The following HMCN1 variants were observed in gnomAD, a reference collection of about 807,000 sequenced individuals.
The protein encoded by HMCN1 is hemicentin 1, also known as hemicentin-1.
In HMCN1, 321 loss-of-function variants were observed where a neutral mutation model predicts 625.9. That is an observed-to-expected ratio of 0.51 (90% CI 0.47 to 0.56). The LOEUF (loss-of-function observed/expected upper bound fraction) is 0.56. Among genes scored for constraint, HMCN1 ranks in the 20% least tolerant of loss-of-function variants. The pLI is 0.00. For missense variants in HMCN1, 6,588 were observed against 6,887.3 expected (o/e 0.96, Z 1.54); for synonymous variants, 2,425 against 2,417.6 (o/e 1.00, Z -0.09).
chr1:185,805,525 G>A (rs1659109935), intron 1 of HMCN1, among the ~76,000 whole-genome samples: 1 of 152,104 alleles, frequency 6.6e-6, no homozygotes, highest in Admixed American at 6.6e-5. Flanking sequence ...AATTATAGTT[G>A]AGTTTTTGTC....
chr1:185,893,379 G>A (rs770372110), intron 4 of HMCN1, among the ~76,000 whole-genome samples: 5 of 152,188 alleles, frequency 3.3e-5, no homozygotes, highest in Non-Finnish European at 7.3e-5. Context: ...ACAATCAGTG[G>A]CGTATTATAT....
intron 36 of HMCN1, among the ~76,000 whole-genome samples, chr1:186,026,686 T>A (rs1318770063): frequency 1.3e-5 from 2 of 152,120 alleles, no homozygotes; most frequent in East Asian, 3.9e-4. Flanking sequence ...CAAGTTGGAG[T>A]GCAGTGGTAC....
intron 1 of HMCN1, among the ~76,000 whole-genome samples, chr1:185,826,589 A>C (rs1487539130): frequency 6.6e-6 from 1 of 152,204 alleles, no homozygotes; most frequent in Non-Finnish European, 1.5e-5. Flanking sequence ...TCTCAGACCC[A>C]GTTGGTTCTG....
In HMCN1 at chr1:185,812,156, T is replaced by C. The variant is rs139889645; in HGVS notation, c.269-33870T>C. 5.1e-4 allele frequency among the ~76,000 whole-genome samples: 78 copies of C among 151,554 alleles called. 1 individual carries two copies. The East Asian group carries it at 0.014, about 28-fold the overall frequency. On this transcript the variant is annotated intron_variant, in intron 1 of 106. Transcript: ENST00000271588. ...AATAGTATGTTGTTGATTTTTTTTTTAGGGCAAGATATAAGTGATTATAAA... is the reference window on the plus strand; with the variant it reads ...AATAGTATGTTGTTGATTTTTTTTTCAGGGCAAGATATAAGTGATTATAAA...
At chr1:185,818,733 A>G (rs1027052010) in intron 1 of HMCN1, among the ~76,000 whole-genome samples, 1 of 152,198 alleles carries the variant, frequency 6.6e-6, no homozygotes, top group Non-Finnish European at 1.5e-5. Context: ...ACTTAGATGA[A>G]TAAATGAATG....
chr1:186,167,614 C>T (rs1049324578), intron 100 of HMCN1, among the ~76,000 whole-genome samples: 7 of 152,164 alleles, frequency 4.6e-5, no homozygotes, highest in African/African-American at 1.2e-4. Context: ...TTTCATTGCC[C>T]TCAACATTCT....
At chr1:186,178,005 AT>A (rs761504582) in intron 103 of HMCN1, among the ~76,000 whole-genome samples, 4 of 152,174 alleles carry the variant, frequency 2.6e-5, no homozygotes, top group Non-Finnish European at 4.4e-5. Flanking sequence ...TACTCTTAGA[AT>A]TACGTGTAAA....
intron 52 of HMCN1, among the ~76,000 whole-genome samples, 190 bp from the exon 53 acceptor site, chr1:186,074,551 A>C (rs1398816713): frequency 6.6e-6 from 1 of 152,158 alleles, no homozygotes; most frequent in African/African-American, 2.4e-5. Flanking sequence ...AATAAATAAA[A>C]ATTTGATTAG....
In HMCN1 at chr1:185,860,567, C is replaced by T. The variant is rs561150380; in HGVS notation, c.340-3903C>T. Among the ~76,000 whole-genome samples the T allele has an allele frequency of 6.6e-5, 10 of 152,214 alleles. No homozygotes were observed. In the East Asian group the frequency reaches 1.9e-3, roughly 29 times the overall value. The stretch of plus-strand genomic sequence containing the variant: ...TCAAAGGATCCTCCCACCTCAGCCC[C>T]CCAAGTAGCTGGGACAACAGGCATG... On this transcript the variant is annotated intron_variant, in intron 2 of 106. Transcript: ENST00000271588.
intron 97 of HMCN1, among the ~76,000 whole-genome samples, chr1:186,163,865 C>CA (rs1651690056): frequency 3.3e-5 from 5 of 152,112 alleles, no homozygotes; most frequent in Admixed American, 3.3e-4. Flanking sequence ...AAGTATCTCC[C>CA]AAAAAACTTC....
chr1:186,174,456 A>G (rs1652433322), intron 102 of HMCN1, 58 bp from the exon 103 acceptor site: 1 of 1,599,254 alleles, frequency 6.3e-7, no homozygotes, highest in Admixed American at 1.7e-5. Flanking sequence ...GACTTTAAAT[A>G]CAATGACTTT....
chr1:186,032,252 G>A (rs1156384030), intron 36 of HMCN1, among the ~76,000 whole-genome samples: 1 of 151,832 alleles, frequency 6.6e-6, no homozygotes, highest in African/African-American at 2.4e-5. Context: ...GTGGGCAAAG[G>A]ATGTGAATAG....
At chr1:185,787,539 C>T (rs1001617415) in intron 1 of HMCN1, among the ~76,000 whole-genome samples, 2 of 152,160 alleles carry the variant, frequency 1.3e-5, no homozygotes, top group African/African-American at 4.8e-5. Context: ...AAGGAAGTCA[C>T]CAGTGTGGGA....
intron 71 of HMCN1, among the ~76,000 whole-genome samples, chr1:186,112,007 C>T (rs1660911006): frequency 6.6e-6 from 1 of 152,118 alleles, no homozygotes; most frequent in African/African-American, 2.4e-5. Flanking sequence ...TTGATGCTAT[C>T]TGGAATTTTT....
Position 186,045,820 on chromosome 1 carries a change from A to G in HMCN1, c.6437A>G (p.Lys2146Arg). The change falls in exon 41 of 107, where the codon AAG becomes AGG. Residue 2146 changes from lysine to arginine, a missense_variant. Lys to Arg is a conservative substitution (Grantham distance 26). Coordinates refer to ENST00000271588, the MANE Select transcript of HMCN1 (RefSeq NM_031935.3). ...TTAAAAGACGGCCACCCCTTGCTGA[A>G]GAAACCAGGCCTCAGTATATCTGAA... Reference protein sequence around the residue: ...TWLKDGHPLLKKPGLSISENR... With the variant: ...TWLKDGHPLLRKPGLSISENR... The G allele has an allele frequency of 1.2e-6, 2 of 1,612,992 alleles. No homozygotes were observed. Among genetic ancestry groups the G allele is most frequent in the Non-Finnish European group, 1.7e-6 (2 of 1,179,146 alleles).
rs754947397 is a variant in HMCN1, at chr1:186,038,035, G to A, written c.5851G>A (p.Val1951Ile). Residue 1951 changes from valine (V) to isoleucine (I), a missense_variant and splice_region_variant, in exon 37 of 107, where the codon GTT becomes ATT. Val to Ile is a conservative substitution (Grantham distance 29). This residue lies in a region of HMCN1 where 4,628 missense variants were observed against 4,853.1 expected (regional missense o/e 0.95). Transcript: ENST00000271588. ...ECKAAGNPVP[V>I]ITWYKDNRLL... ...TAAGGCAGCTGGAAATCCTGTGCCT[G>A]GTACATTTACTTTTGAACTCTGTAA... 6.3e-7 allele frequency: 1 copy of A among 1,582,584 alleles called. No individual in the cohort carries two copies. Among genetic ancestry groups the A allele is most frequent in the Non-Finnish European group, 8.7e-7 (1 of 1,151,388 alleles).
rs12094904 is a variant in HMCN1, at chr1:185,999,956, C to T, written c.3875-89C>T. On this transcript the variant is annotated intron_variant, in intron 25 of 106. Transcript: ENST00000271588. ...CTAAGGTTATAAATTATTGTCATAA[C>T]AAAAACTTTATTTCTCTTTGATATA... 10,363 of 916,066 alleles carry T rather than the reference C, an allele frequency of 0.011. 682 individuals are homozygous for T. The African/African-American group carries it at 0.15, about 13-fold the overall frequency. 56.7% of individuals were successfully genotyped at this position (916,066 alleles called of 1,614,324 possible).
intron 11 of HMCN1, among the ~76,000 whole-genome samples, chr1:185,954,555 A>G (rs1649481277): frequency 6.6e-6 from 1 of 152,154 alleles, no homozygotes; most frequent in Non-Finnish European, 1.5e-5. Context: ...ACAATCAACA[A>G]TTGTTGATCC....
chr1:185,982,078 C>A (rs1413349293), intron 17 of HMCN1, among the ~76,000 whole-genome samples, 184 bp from the exon 18 acceptor site: 1 of 152,146 alleles, frequency 6.6e-6, no homozygotes, highest in African/African-American at 2.4e-5. Context: ...CTTTTGCATT[C>A]CCCCTACTTA....
Sources: allele counts gnomAD v4.1 joint callset (sites outside exome capture counted in the v4.1 genomes callset), GRCh38; gene constraint gnomAD v4.1.1; regional missense constraint gnomAD v4.1.1; transcripts MANE v1.5; gene names NCBI Gene and HGNC (gene_info 2026-07-23, HGNC 2026-07-21).